Variants in ZCCHC4 observed in about 807,000 individuals in gnomAD.
ZCCHC4 encodes rRNA N(6)-adenosine-methyltransferase ZCCHC4.
A neutral mutation model predicts 67.7 loss-of-function variants in ZCCHC4; 54 were observed. That is an observed-to-expected ratio of 0.80 (90% CI 0.64 to 1.00). The LOEUF (loss-of-function observed/expected upper bound fraction) is 1.00, where lower values mean the gene tolerates loss of function less well. ZCCHC4 is among the 50% of genes least tolerant of loss of function. The pLI, the probability that ZCCHC4 is intolerant of heterozygous loss-of-function variation, is 0.00. For missense variants in ZCCHC4, 609 were observed against 617.0 expected (o/e 0.99, Z 0.14); for synonymous variants, 198 against 213.5 (o/e 0.93, Z 0.63).
intron 7 of ZCCHC4, 108 bp from the exon 8 acceptor site, chr4:25,351,481 A>C: frequency 1.4e-6 from 1 of 709,454 alleles, no homozygotes; most frequent in Non-Finnish European, 2.3e-6. Flanking sequence ...TATGAGATTT[A>C]AATGTGTTGA....
chr4:25,365,530 A>C (rs1720907420), intron 12 of ZCCHC4: 1 of 996,094 alleles, frequency 1.0e-6, no homozygotes, highest in South Asian at 4.6e-5. Context: ...AGATATAGAC[A>C]CATGATGGCA....
At chr4:25,333,530 G>T in intron 4 of ZCCHC4, 72 bp downstream of exon 4, 1 of 1,482,372 alleles carries the variant, frequency 6.7e-7, no homozygotes, top group Non-Finnish European at 9.3e-7. Context: ...TTATTAAGTA[G>T]TTACTTACTC....
intron 8 of ZCCHC4, among the ~76,000 whole-genome samples, chr4:25,358,066 T>C (rs778744468): frequency 2.0e-5 from 3 of 152,114 alleles, no homozygotes; most frequent in Non-Finnish European, 2.9e-5. Context: ...GGATAATAGG[T>C]TGGAGGAGGA....
At chr4:25,314,456 T>C (rs575909505) in intron 2 of ZCCHC4, among the ~76,000 whole-genome samples, 1 of 152,328 alleles carries the variant, frequency 6.6e-6, no homozygotes, top group East Asian at 1.9e-4. Flanking sequence ...AGAAGTACCA[T>C]AGGCTGTGTG....
intron 10 of ZCCHC4, 62 bp from the exon 11 acceptor site, chr4:25,364,392 G>A: frequency 1.6e-6 from 2 of 1,245,000 alleles, no homozygotes; most frequent in South Asian, 3.4e-5. Context: ...ATTTTTAATT[G>A]TAGAACTTGA....
chr4:25,336,074 TG>T (rs1255324518), intron 5 of ZCCHC4, among the ~76,000 whole-genome samples: 2 of 152,080 alleles, frequency 1.3e-5, no homozygotes, highest in Non-Finnish European at 2.9e-5. Context: ...CAGTGGTTTT[TG>T]TTGTTATCAC....
intron 5 of ZCCHC4, among the ~76,000 whole-genome samples, chr4:25,339,047 T>C (rs1349000245): frequency 6.6e-6 from 1 of 152,230 alleles, no homozygotes; most frequent in African/African-American, 2.4e-5. Context: ...GAGGCCTCTC[T>C]CTGTGGCATG....
In ZCCHC4 at chr4:25,364,513, T is replaced by A; in HGVS notation, c.1261+8T>A. On this transcript the variant is annotated splice_region_variant and intron_variant, in intron 11 of 12. Coordinates refer to ENST00000302874, the MANE Select transcript of ZCCHC4 (RefSeq NM_024936.3). Reference sequence around the variant, plus strand: ...AAAAGTGTGTAAAGCCTTGTAAGTATTGAGACTTAGTGTTTGAGATCCTAT... The same window carrying A: ...AAAAGTGTGTAAAGCCTTGTAAGTAATGAGACTTAGTGTTTGAGATCCTAT... 1 of 1,560,838 alleles carries A rather than the reference T, an allele frequency of 6.4e-7. No individual in the cohort carries two copies. The highest frequency in any genetic ancestry group is 2.0e-5 in the Admixed American group (1 of 50,246).
chr4:25,338,405 T>C (rs1719572607), intron 5 of ZCCHC4, among the ~76,000 whole-genome samples: 1 of 152,254 alleles, frequency 6.6e-6, no homozygotes, highest in South Asian at 2.1e-4. Flanking sequence ...CATTTCTTTT[T>C]TTAAAATTGA....
chr4:25,316,698 A>G (rs1439506572), intron 3 of ZCCHC4, among the ~76,000 whole-genome samples: 2 of 152,136 alleles, frequency 1.3e-5, no homozygotes, highest in African/African-American at 2.4e-5. Context: ...AGTTCTTTAT[A>G]TGTTCTGGAT....
chr4:25,322,549 G>C (rs1375145756), intron 3 of ZCCHC4, among the ~76,000 whole-genome samples: 1 of 151,840 alleles, frequency 6.6e-6, no homozygotes, highest in African/African-American at 2.4e-5. Context: ...GAGCCCCACT[G>C]TGTCACCCAG....
chr4:25,316,987 A>G (rs759113594), intron 3 of ZCCHC4, among the ~76,000 whole-genome samples: 5 of 152,178 alleles, frequency 3.3e-5, no homozygotes, highest in African/African-American at 1.2e-4. Flanking sequence ...CATTGTTGAA[A>G]TGTTTTATTG....
chr4:25,345,732 A>G, intron 6 of ZCCHC4, 112 bp downstream of exon 6: 1 of 679,932 alleles, frequency 1.5e-6, no homozygotes, highest in South Asian at 1.9e-5. Context: ...TGGCTGTTCT[A>G]CCATTTACTG....
At chr4:25,324,712 C>T (rs947719253) in intron 3 of ZCCHC4, among the ~76,000 whole-genome samples, 1 of 152,210 alleles carries the variant, frequency 6.6e-6, no homozygotes, top group African/African-American at 2.4e-5. Context: ...TCTCCTACAA[C>T]ACTTGTTATT....
chr4:25,351,789 G>A (rs1720311885), intron 8 of ZCCHC4, 100 bp downstream of exon 8: 2 of 1,140,618 alleles, frequency 1.8e-6, no homozygotes, highest in African/African-American at 1.6e-5. Context: ...ACAATGAGCT[G>A]TATTAAACAC....
At chr4:25,330,533 T>G (rs1719123811) in intron 3 of ZCCHC4, among the ~76,000 whole-genome samples, 1 of 152,218 alleles carries the variant, frequency 6.6e-6, no homozygotes, top group Non-Finnish European at 1.5e-5. Context: ...TGGCTGTGTT[T>G]GCTTTTGTGG....
intron 8 of ZCCHC4, 98 bp downstream of exon 8, chr4:25,351,787 C>A: frequency 8.8e-7 from 1 of 1,130,352 alleles, no homozygotes; most frequent in Non-Finnish European, 1.2e-6. Context: ...ATACAATGAG[C>A]TGTATTAAAC....
At position 25,333,291 on chromosome 4, in the gene ZCCHC4, G is replaced by A. The variant is rs1719277468; in HGVS notation, c.438G>A (p.Leu146=). Residue 146 remains leucine (L), a synonymous_variant, in exon 4 of 13, where the codon CTG becomes CTA. Transcript: ENST00000302874. ...DWGQHSEHQV[L]GNVSITQLRR... is the part of the protein sequence containing the mutation. ...GGCAACATAGTGAGCATCAGGTTCT[G>A]GGTAATGTGTCCATTACCCAGTTAA... 9.9e-6 allele frequency: 16 copies of A among 1,614,086 alleles called. No individual in the cohort carries two copies. Among genetic ancestry groups the A allele is most frequent in the Non-Finnish European group, 1.4e-5 (16 of 1,179,994 alleles).
rs761421034 is a variant in ZCCHC4, at chr4:25,369,101, TCATA to T, written c.1483_1486del (p.Thr495LeufsTer26). The T allele has an allele frequency of 6.2e-7, 1 of 1,613,916 alleles. No homozygotes were observed. Among genetic ancestry groups the T allele is most frequent in the Admixed American group, 1.7e-5 (1 of 59,968 alleles). On this transcript the variant is annotated frameshift_variant, in exon 13 of 13. Transcript: ENST00000302874. LOFTEE classifies it high-confidence loss of function. ...AGACCACGAAAGGACAATCCATGAA[TCATA>T]CATCTGCTACAAGGAGAAAGAAAAG...
Sources: allele counts gnomAD v4.1 joint callset (sites outside exome capture counted in the v4.1 genomes callset), GRCh38; gene constraint gnomAD v4.1.1; transcripts MANE v1.5; gene names NCBI Gene and HGNC (gene_info 2026-07-23, HGNC 2026-07-21).